KCNQ1: variants seen among roughly 807,000 people sequenced by gnomAD.
The protein encoded by KCNQ1 is potassium voltage-gated channel subfamily KQT member 1.
KCNQ1 carries 49 observed loss-of-function variants against 72.4 expected under a neutral mutation model. That is an observed-to-expected ratio of 0.68 (90% CI 0.54 to 0.86). The LOEUF is 0.86. Among genes scored for constraint, KCNQ1 ranks in the 40% least tolerant of loss-of-function variants. The pLI is 0.00. For synonymous variants in KCNQ1, 450 were observed against 412.6 expected (o/e 1.09, Z -1.10); for missense variants, 790 against 945.1 (o/e 0.84, Z 2.15).
At chr11:2,546,586 T>G (rs7940104) in intron 2 of KCNQ1, among the ~76,000 whole-genome samples, 23,923 of 152,262 alleles carry the variant, frequency 0.16, 2,124 homozygotes, top group East Asian at 0.32. Flanking sequence ...GATTTCTCTC[T>G]TTATTCTTCA....
chr11:2,640,162 G>A, intron 10 of KCNQ1: 1 of 373,360 alleles, frequency 2.7e-6, no homozygotes, highest in Non-Finnish European at 4.7e-6. Context: ...TCCCAGGTGA[G>A]GCGATGCCTC....
Position 2,627,952 on chromosome 11 carries a change from A to G in KCNQ1, c.1394-34009A>G, listed in dbSNP as rs945804015. The G allele has an allele frequency of 1.3e-5, 5 of 398,378 alleles. No individual in the cohort carries two copies. Among genetic ancestry groups the G allele is most frequent in the South Asian group, 1.3e-4 (1 of 7,848 alleles). The allele number at this position is 398,378 out of a possible 1,614,324, so 24.7% of individuals were successfully genotyped here. ...TTTTATGTAGAGATAGGGTATCACTATGTTTCCTAGGCTGGTCTCAAACTC... is the reference window on the plus strand; with the variant it reads ...TTTTATGTAGAGATAGGGTATCACTGTGTTTCCTAGGCTGGTCTCAAACTC... On this transcript the variant is annotated intron_variant, in intron 10 of 15. Coordinates refer to ENST00000155840, the MANE Select transcript of KCNQ1 (RefSeq NM_000218.3). The surrounding 1 kb of genome is among the most constrained non-coding windows in gnomAD (Gnocchi z 4.9).
Position 2,766,912 on chromosome 11 carries a change from C to T in KCNQ1, c.1515-1932C>T, listed in dbSNP as rs1356592442. Among the ~76,000 whole-genome samples, 1 of 152,200 alleles carries T rather than the reference C, an allele frequency of 6.6e-6. No individual in the cohort carries two copies. Among genetic ancestry groups the T allele is most frequent in the Non-Finnish European group, 1.5e-5 (1 of 68,032 alleles). ...ATTTTCTTTGGGCCGGGCATGGTGGCTCATGCCTGTAATCCCAGCACTTTT... is the reference window on the plus strand; with the variant it reads ...ATTTTCTTTGGGCCGGGCATGGTGGTTCATGCCTGTAATCCCAGCACTTTT... On this transcript the variant is annotated intron_variant, in intron 11 of 15. Transcript: ENST00000155840. The surrounding 1 kb of genome is among the most constrained non-coding windows in gnomAD (Gnocchi z 4.4).
At chr11:2,511,403 C>T (rs912270136) in intron 1 of KCNQ1, among the ~76,000 whole-genome samples, 9 of 152,150 alleles carry the variant, frequency 5.9e-5, no homozygotes, top group African/African-American at 1.9e-4. Flanking sequence ...AGAACCACCT[C>T]GTCAGGCCCA....
chr11:2,495,872 G>A lies in KCNQ1; in HGVS notation c.387-32056G>A, dbSNP rs556648035. ...TTAGGTCCGCTTGGTCCAGAGCTGA[G>A]TTCAAGTCCTGAATATCCTTGTTAA... On this transcript the variant is annotated intron_variant, in intron 1 of 15. Transcript: ENST00000155840. The surrounding 1 kb of genome is among the most constrained non-coding windows in gnomAD (Gnocchi z 4.6). Among the ~76,000 whole-genome samples, 24 of 152,190 alleles carry A rather than the reference G, an allele frequency of 1.6e-4. No homozygotes were observed. The highest frequency in any genetic ancestry group is 3.1e-4 in the Non-Finnish European group (21 of 68,028).
chr11:2,724,007 G>C lies in KCNQ1; in HGVS notation c.1515-44837G>C, dbSNP rs1162493230. Among the ~76,000 whole-genome samples, 3 of 152,134 alleles carry C rather than the reference G, an allele frequency of 2.0e-5. No individual in the cohort carries two copies. The highest frequency in any genetic ancestry group is 7.2e-5 in the African/African-American group (3 of 41,440). On this transcript the variant is annotated intron_variant, in intron 11 of 15. Coordinates refer to ENST00000155840, the MANE Select transcript of KCNQ1 (RefSeq NM_000218.3). This position sits in a 1 kb window ranked among gnomAD's most constrained non-coding sequence, Gnocchi z 6.8. ...AGCAGAAATCAGAACATGGCTCTCT[G>C]TGTCTGACACAGAGCCCTGTACTCC...
chr11:2,845,068 TGA>T (rs1376755467), intron 15 of KCNQ1, among the ~76,000 whole-genome samples: 1 of 152,118 alleles, frequency 6.6e-6, no homozygotes, highest in Non-Finnish European at 1.5e-5. Context: ...CCCTGAAGGC[TGA>T]GAGACCTCCC....
In KCNQ1 at chr11:2,612,613, A is replaced by G; in HGVS notation, c.1393+23759A>G. The G allele has an allele frequency of 2.5e-6, 1 of 398,432 alleles. No individual in the cohort carries two copies. Among genetic ancestry groups the G allele is most frequent in the Non-Finnish European group, 4.4e-6 (1 of 226,040 alleles). The allele number at this position is 398,432 out of a possible 1,614,324, so 24.7% of individuals were successfully genotyped here. On this transcript the variant is annotated intron_variant, in intron 10 of 15. Coordinates refer to ENST00000155840, the MANE Select transcript of KCNQ1 (RefSeq NM_000218.3). This position sits in a 1 kb window ranked among gnomAD's most constrained non-coding sequence, Gnocchi z 5.5. The stretch of plus-strand genomic sequence containing the variant: ...GTTTCTAATTTCTATCTCTATATTG[A>G]TATTATCTATTTGATGAGTCTTTGT...
chr11:2,475,466 G>GA lies in KCNQ1; in HGVS notation c.386+29986dup, dbSNP rs1216734530. On this transcript the variant is annotated intron_variant, in intron 1 of 15. Coordinates refer to ENST00000155840, the MANE Select transcript of KCNQ1 (RefSeq NM_000218.3). The surrounding 1 kb of genome is among the most constrained non-coding windows in gnomAD (Gnocchi z 5.8). ...ACAAATTCAAATGTGTGTTGCTTAT[G>GA]AAAATCACAAAATTAAGTATGATGC... Among the ~76,000 whole-genome samples, 1 of 152,182 alleles carries GA rather than the reference G, an allele frequency of 6.6e-6. No individual in the cohort carries two copies.
intron 1 of KCNQ1, among the ~76,000 whole-genome samples, chr11:2,448,063 C>T (rs1286350119): frequency 6.6e-6 from 1 of 152,242 alleles, no homozygotes; most frequent in African/African-American, 2.4e-5. Flanking sequence ...CTTGCGCCCC[C>T]ACTGGGGGCA....
At position 2,815,513 on chromosome 11, in the gene KCNQ1, G is replaced by A. The variant is rs1418518347; in HGVS notation, c.1795-32254G>A. Among the ~76,000 whole-genome samples, 1 of 152,144 alleles carries A rather than the reference G, an allele frequency of 6.6e-6. No homozygotes were observed. Among genetic ancestry groups the A allele is most frequent in the East Asian group, 1.9e-4 (1 of 5,194 alleles). On this transcript the variant is annotated intron_variant, in intron 15 of 15. Transcript: ENST00000155840. This position sits in a 1 kb window ranked among gnomAD's most constrained non-coding sequence, Gnocchi z 5.4. ...ATCCAAACACCTGATCTCAGCTCAG[G>A]ATCGCCACTCCAGTGCCCCATCCCA...
chr11:2,482,046 G>A lies in KCNQ1; in HGVS notation c.386+36562G>A, dbSNP rs1373437186. ...TCGGCTGTTTGCTTTATGAATTTGTGCCTCAGTTTCTTCATCTCTGAAACG... is the reference window on the plus strand; with the variant it reads ...TCGGCTGTTTGCTTTATGAATTTGTACCTCAGTTTCTTCATCTCTGAAACG... On this transcript the variant is annotated intron_variant, in intron 1 of 15. Transcript: ENST00000155840. The surrounding 1 kb of genome is among the most constrained non-coding windows in gnomAD (Gnocchi z 5.7). 6.6e-6 allele frequency among the ~76,000 whole-genome samples: 1 copy of A among 152,106 alleles called. No homozygotes were observed. Among genetic ancestry groups the A allele is most frequent in the African/African-American group, 2.4e-5 (1 of 41,416 alleles).
At position 2,656,623 on chromosome 11, in the gene KCNQ1, T is replaced by C. The variant is rs1590011116; in HGVS notation, c.1394-5338T>C. 7.5e-6 allele frequency: 3 copies of C among 398,640 alleles called. No individual in the cohort carries two copies. The East Asian group carries it at 1.1e-4, about 14-fold the overall frequency. 24.7% of individuals were successfully genotyped at this position (398,640 alleles called of 1,614,324 possible). The stretch of plus-strand genomic sequence containing the variant: ...TGTCTATTGCCCATTTTCTATTAAG[T>C]CATTTATATTTTTCCTATTGATTTG... On this transcript the variant is annotated intron_variant, in intron 10 of 15. Coordinates refer to ENST00000155840, the MANE Select transcript of KCNQ1 (RefSeq NM_000218.3).
rs1006236568 is a variant in KCNQ1 at position 2,645,613 on chromosome 11, T to A, written c.1394-16348T>A. ...ATGCTTCGGCCCCAGGTGGTGACTA[T>A]GGGCAGGGTCACCTTTCCTCATGGC... On this transcript the variant is annotated intron_variant, in intron 10 of 15. Coordinates refer to ENST00000155840, the MANE Select transcript of KCNQ1 (RefSeq NM_000218.3). This position sits in a 1 kb window ranked among gnomAD's most constrained non-coding sequence, Gnocchi z 5.8. 2.5e-6 allele frequency: 1 copy of A among 398,716 alleles called. No individual in the cohort carries two copies. 24.7% of individuals were successfully genotyped at this position (398,716 alleles called of 1,614,324 possible). A position where few individuals can be genotyped will look rare whatever the true frequency, so the allele number is the denominator to read the frequency against.
At position 2,674,660 on chromosome 11, in the gene KCNQ1, G is replaced by A; in HGVS notation, c.1514+12579G>A. 2.5e-6 allele frequency: 1 copy of A among 398,480 alleles called. No individual in the cohort carries two copies. The highest frequency in any genetic ancestry group is 4.4e-6 in the Non-Finnish European group (1 of 226,034). The allele number at this position is 398,480 out of a possible 1,614,324, so 24.7% of individuals were successfully genotyped here. ...TTGAATTGGAAAGCCAGAACTTTTTGCAAAATAATTTGAAAAGTTTGTTGA... is the reference window on the plus strand; with the variant it reads ...TTGAATTGGAAAGCCAGAACTTTTTACAAAATAATTTGAAAAGTTTGTTGA... On this transcript the variant is annotated intron_variant, in intron 11 of 15. Transcript: ENST00000155840. The surrounding 1 kb of genome is among the most constrained non-coding windows in gnomAD (Gnocchi z 5.9).
chr11:2,520,602 A>T (rs1261622478), intron 1 of KCNQ1, among the ~76,000 whole-genome samples: 2 of 151,958 alleles, frequency 1.3e-5, no homozygotes, highest in Non-Finnish European at 2.9e-5. Flanking sequence ...AGGCTGTGAG[A>T]CCTCTGCCCC....
At position 2,771,179 on chromosome 11, in the gene KCNQ1, G is replaced by A. The variant is rs140068586; in HGVS notation, c.1590+2260G>A. 4.1e-4 allele frequency among the ~76,000 whole-genome samples: 63 copies of A among 152,352 alleles called. No individual in the cohort carries two copies. The East Asian group carries it at 9.4e-3, about 23-fold the overall frequency. On this transcript the variant is annotated intron_variant, in intron 12 of 15. Transcript: ENST00000155840. Reference sequence around the variant, plus strand: ...TGGGGGCTGCTTCCAAGGTCTGGGGGAACCCAGCAGAGCATGCAGACCCTG... The same window carrying A: ...TGGGGGCTGCTTCCAAGGTCTGGGGAAACCCAGCAGAGCATGCAGACCCTG...
intron 11 of KCNQ1, among the ~76,000 whole-genome samples, chr11:2,754,586 TG>T (rs2133966541): frequency 1.3e-5 from 2 of 152,298 alleles, no homozygotes; most frequent in East Asian, 3.9e-4. Context: ...CATACAAATG[TG>T]GGACATTGGC....
At chr11:2,461,788 G>C in intron 1 of KCNQ1, 1 of 1,261,572 alleles carries the variant, frequency 7.9e-7, no homozygotes, top group Non-Finnish European at 1.1e-6. Context: ...ATTGTGGTCA[G>C]TTATGGGTGG....
Sources: allele counts gnomAD v4.1 joint callset (sites outside exome capture counted in the v4.1 genomes callset), GRCh38; gene constraint gnomAD v4.1.1; non-coding constraint Gnocchi (gnomAD v3.1); transcripts MANE v1.5; gene names NCBI Gene and HGNC (gene_info 2026-07-23, HGNC 2026-07-21).